ARID1B: variants seen among roughly 807,000 people sequenced by gnomAD.
ARID1B encodes the protein AT-rich interaction domain 1B.
A neutral mutation model predicts 212.3 loss-of-function variants in ARID1B; 30 were observed. The ratio of observed to expected loss-of-function variants is 0.14; its 90% CI spans 0.11 to 0.19. The LOEUF is 0.19. ARID1B is among the 10% of genes least tolerant of loss of function. The pLI, the probability that ARID1B is intolerant of heterozygous loss-of-function variation, is 1.00. For missense variants in ARID1B, 2,891 were observed against 3,204.0 expected (o/e 0.90, Z 2.36); for synonymous variants, 1,402 against 1,301.7 (o/e 1.08, Z -1.66).
intron 6 of ARID1B, among the ~76,000 whole-genome samples, chr6:157,112,827 T>G (rs1228651804): frequency 6.6e-6 from 1 of 152,200 alleles, no homozygotes; most frequent in Non-Finnish European, 1.5e-5. Context: ...TTAATATGAT[T>G]ATTGTTTTTC....
In ARID1B at chr6:156,878,008, G is replaced by A. The variant is rs572354957; in HGVS notation, c.1987-23368G>A. Among the ~76,000 whole-genome samples, 3 of 152,126 alleles carry A rather than the reference G, an allele frequency of 2.0e-5. 1 individual carries two copies. Among genetic ancestry groups the A allele is most frequent in the African/African-American group, 7.2e-5 (3 of 41,490 alleles). ...TGGGATTACAGGCGTGAACCACCGCGTCTGGCCCATGTTTATCCTTGACTT... is the reference window on the plus strand; with the variant it reads ...TGGGATTACAGGCGTGAACCACCGCATCTGGCCCATGTTTATCCTTGACTT... On this transcript the variant is annotated intron_variant, in intron 2 of 19. Transcript: ENST00000636930.
intron 4 of ARID1B, among the ~76,000 whole-genome samples, chr6:156,959,925 CT>C (rs138881152): frequency 0.044 from 5,359 of 122,594 alleles, 138 homozygotes; most frequent in African/African-American, 0.086. Flanking sequence ...TTGTCAGCTT[CT>C]TTTTTTTTTT....
At chr6:157,182,083 A>C (rs975243705) in intron 12 of ARID1B, among the ~76,000 whole-genome samples, 8 of 152,168 alleles carry the variant, frequency 5.3e-5, no homozygotes, top group African/African-American at 1.9e-4. Flanking sequence ...CTTTGTCTCC[A>C]TTAAAAACTA....
rs112926597 is a variant in ARID1B, at chr6:156,822,010, C to CT, written c.1792-7205dup. 3.1e-3 allele frequency among the ~76,000 whole-genome samples: 454 copies of CT among 146,366 alleles called. 1 individual carries two copies. Among genetic ancestry groups the CT allele is most frequent in the Middle Eastern group, 0.011 (3 of 284 alleles). ...CAACCTTTTCTGCCTTGTCTAATAT[C>CT]TTTTTTTTTTTTCAGTAGAGAAGGG... On this transcript the variant is annotated intron_variant, in intron 1 of 19. Coordinates refer to ENST00000636930, the MANE Select transcript of ARID1B (RefSeq NM_001374828.1).
At chr6:156,948,726 A>AT (rs556495202) in intron 4 of ARID1B, among the ~76,000 whole-genome samples, 1 of 152,374 alleles carries the variant, frequency 6.6e-6, no homozygotes, top group East Asian at 1.9e-4. Flanking sequence ...AAATAAATAA[A>AT]AAATCAAATT....
intron 1 of ARID1B, among the ~76,000 whole-genome samples, chr6:156,809,488 A>T (rs1781411553): frequency 6.6e-6 from 1 of 152,176 alleles, no homozygotes; most frequent in Admixed American, 6.5e-5. Context: ...TCCATATGAT[A>T]TCTGATTTAG....
At position 157,210,319 on chromosome 6, in the gene ARID1B, C is replaced by T. The variant is rs1325887272; in HGVS notation, c.*2428C>T. On this transcript the variant is annotated 3_prime_UTR_variant, in exon 20 of 20. Transcript: ENST00000636930. Reference sequence around the variant, plus strand: ...CAATATTATTCTAATTTCTCTCTTACAGAGTACAAATAAAAGGTGTATACA... The same window carrying T: ...CAATATTATTCTAATTTCTCTCTTATAGAGTACAAATAAAAGGTGTATACA... The T allele has an allele frequency of 8.7e-6, 2 of 230,330 alleles. No individual in the cohort carries two copies. Among genetic ancestry groups the T allele is most frequent in the African/African-American group, 2.2e-5 (1 of 45,162 alleles). 14.3% of individuals were successfully genotyped at this position (230,330 alleles called of 1,614,324 possible). A position where few individuals can be genotyped will look rare whatever the true frequency, so the allele number is the denominator to read the frequency against.
chr6:157,183,842 A>G (rs1333918899), intron 12 of ARID1B, among the ~76,000 whole-genome samples: 1 of 152,188 alleles, frequency 6.6e-6, no homozygotes, highest in Non-Finnish European at 1.5e-5. Flanking sequence ...TCACAGGCCC[A>G]CTTCTGAGGG....
chr6:157,156,930 G>A (rs1038919789), intron 8 of ARID1B, among the ~76,000 whole-genome samples: 5 of 152,212 alleles, frequency 3.3e-5, no homozygotes, highest in East Asian at 1.9e-4. Flanking sequence ...TCAGAAGCTC[G>A]AGTCTGCGCC....
intron 8 of ARID1B, among the ~76,000 whole-genome samples, chr6:157,156,764 G>GA (rs1583420075): frequency 6.6e-6 from 1 of 152,192 alleles, no homozygotes; most frequent in Non-Finnish European, 1.5e-5. Flanking sequence ...GCTCAGGTCT[G>GA]AGGGGGGCCT....
chr6:157,181,142 C>T lies in ARID1B; in HGVS notation c.3678C>T (p.Leu1226=), dbSNP rs111368751. ...AGAAGCCCCTGGACCTGTTCCGACT[C>T]TACGTCTGCGTCAAAGAGATCGGGG... The part of the protein sequence containing the change: ...VGKKPLDLFR[L]YVCVKEIGGL... Residue 1226 remains leucine, a synonymous_variant, in exon 12 of 20, where the codon CTC becomes CTT. Coordinates refer to ENST00000636930, the MANE Select transcript of ARID1B (RefSeq NM_001374828.1). 71 of 1,614,186 alleles carry T rather than the reference C, an allele frequency of 4.4e-5. 3 individuals are homozygous for T. Among genetic ancestry groups the T allele is most frequent in the African/African-American group, 4.4e-4 (33 of 75,054 alleles).
intron 5 of ARID1B, among the ~76,000 whole-genome samples, chr6:157,095,607 G>A (rs1254257902): frequency 1.3e-5 from 2 of 152,222 alleles, no homozygotes; most frequent in Non-Finnish European, 1.5e-5. Flanking sequence ...CAGGAAAGTT[G>A]AGGGATGATT....
chr6:156,855,713 CTCTG>C (rs1473357538), intron 2 of ARID1B, among the ~76,000 whole-genome samples: 2 of 152,050 alleles, frequency 1.3e-5, no homozygotes, highest in South Asian at 2.1e-4. Flanking sequence ...GTGTGTGTTT[CTCTG>C]TCTTTGTGTG....
chr6:156,905,829 T>TA (rs1254468083), intron 3 of ARID1B, among the ~76,000 whole-genome samples: 3 of 152,240 alleles, frequency 2.0e-5, no homozygotes, highest in African/African-American at 7.2e-5. Flanking sequence ...TTTCTTTTTT[T>TA]ATCACGCTAT....
intron 4 of ARID1B, among the ~76,000 whole-genome samples, chr6:157,003,877 T>C (rs1779045518): frequency 6.6e-6 from 1 of 151,792 alleles, no homozygotes; most frequent in African/African-American, 2.4e-5. Flanking sequence ...TTTTTTTTTT[T>C]CACTTTGGCC....
intron 2 of ARID1B, among the ~76,000 whole-genome samples, chr6:156,892,449 A>G (rs149709226): frequency 6.6e-6 from 1 of 152,360 alleles, no homozygotes; most frequent in East Asian, 1.9e-4. Flanking sequence ...TTAAGCATAA[A>G]TGTGTTAAAA....
chr6:156,843,620 G>A (rs895470693), intron 2 of ARID1B, among the ~76,000 whole-genome samples: 1 of 152,170 alleles, frequency 6.6e-6, no homozygotes, highest in African/African-American at 2.4e-5. Flanking sequence ...GGCTGTATAT[G>A]TGAATCCAGA....
chr6:157,189,654 C>G lies in ARID1B; in HGVS notation c.3932C>G (p.Ser1311Cys), dbSNP rs1332061566. 6.2e-7 allele frequency: 1 copy of G among 1,608,622 alleles called. No individual in the cohort carries two copies. The highest frequency in any genetic ancestry group is 1.3e-5 in the African/African-American group (1 of 74,550). Reference sequence around the variant, plus strand: ...CTGCTACTATCAGCTAACTCGGGATCCTTGCAAGGCCCACAGACCCCCCAG... The same window carrying G: ...CTGCTACTATCAGCTAACTCGGGATGCTTGCAAGGCCCACAGACCCCCCAG... Reference protein sequence around the residue: ...LQPPSPANSGSLQGPQTPQST... With the variant: ...LQPPSPANSGCLQGPQTPQST... Residue 1311 changes from serine to cysteine, a missense_variant, in exon 14 of 20, where the codon TCC (serine) becomes TGC (cysteine). Physicochemically the swap from Ser to Cys is moderately radical, Grantham distance 112. Coordinates refer to ENST00000636930, the MANE Select transcript of ARID1B (RefSeq NM_001374828.1).
intron 6 of ARID1B, among the ~76,000 whole-genome samples, chr6:157,127,275 C>T (rs966249117): frequency 3.3e-5 from 5 of 152,178 alleles, no homozygotes; most frequent in African/African-American, 1.2e-4. Flanking sequence ...ATCTGCACAG[C>T]AGACGTGGAG....
Sources: allele counts gnomAD v4.1 joint callset (sites outside exome capture counted in the v4.1 genomes callset), GRCh38; gene constraint gnomAD v4.1.1; transcripts MANE v1.5; gene names NCBI Gene and HGNC (gene_info 2026-07-23, HGNC 2026-07-21).